Variants in AOX1 observed in about 807,000 individuals in gnomAD.
AOX1 encodes aldehyde oxidase.
In AOX1, 153 loss-of-function variants were observed where a neutral mutation model predicts 169.5. That is an observed-to-expected ratio of 0.90 (90% CI 0.79 to 1.03). The LOEUF is 1.03. Among genes scored for constraint, AOX1 ranks in the 50% least tolerant of loss-of-function variants. The pLI, the probability that AOX1 is intolerant of heterozygous loss-of-function variation, is 0.00. For missense variants in AOX1, 1,656 were observed against 1,663.9 expected (o/e 1.00, Z 0.08); for synonymous variants, 562 against 581.9 (o/e 0.97, Z 0.49).
intron 20 of AOX1, among the ~76,000 whole-genome samples, chr2:200,634,164 A>ATTTTTTTTTTTTTTTTT (rs58341876): frequency 8.1e-4 from 69 of 84,976 alleles, no homozygotes; most frequent in East Asian, 1.8e-3. Context: ...TTTCTTGAGG[A>ATTTTTTTTTTTTTTTTT]TTTTTTTTTT....
At chr2:200,669,856 G>A (rs1397191488) in intron 34 of AOX1, 114 bp downstream of exon 34, 9 of 1,153,922 alleles carry the variant, frequency 7.8e-6, no homozygotes, top group Non-Finnish European at 1.1e-5. Context: ...GCCAGAAAAG[G>A]TGACGGGAAA....
chr2:200,676,289 C>T (rs1482001437), downstream of AOX1, among the ~76,000 whole-genome samples: 2 of 152,052 alleles, frequency 1.3e-5, no homozygotes, highest in East Asian at 3.9e-4. Context: ...AAAGCAGCTT[C>T]GTGTTGCTGC....
At chr2:200,588,726 C>CTTTTTTTTTTTTTTTTTTTTT (rs71807461) in intron 1 of AOX1, among the ~76,000 whole-genome samples, 697 of 53,964 alleles carry the variant, frequency 0.013, 157 homozygotes, top group Non-Finnish European at 0.019. Flanking sequence ...CTAGAATAAG[C>CTTTTTTTTTTTTTTTTTTTTT]TTTTTTTTTT....
intron 20 of AOX1, among the ~76,000 whole-genome samples, chr2:200,627,676 C>A (rs1007113878): frequency 6.6e-6 from 1 of 152,190 alleles, no homozygotes; most frequent in East Asian, 1.9e-4. Flanking sequence ...TCTTCCCTGA[C>A]CCCCCTTCCC....
At chr2:200,618,510 A>T (rs780606910) in intron 16 of AOX1, among the ~76,000 whole-genome samples, 21 of 152,170 alleles carry the variant, frequency 1.4e-4, no homozygotes, top group Non-Finnish European at 3.1e-4. Context: ...ACTTCTTGTC[A>T]TTTATGTTAT....
chr2:200,628,010 G>A (rs951525506), intron 20 of AOX1, among the ~76,000 whole-genome samples: 1 of 150,996 alleles, frequency 6.6e-6, no homozygotes, highest in Non-Finnish European at 1.5e-5. Context: ...CTTCTTTGCT[G>A]TATGTATGTA....
intron 16 of AOX1, among the ~76,000 whole-genome samples, chr2:200,619,785 A>T (rs1011806399): frequency 4.6e-5 from 7 of 152,164 alleles, no homozygotes; most frequent in Middle Eastern, 3.2e-3. Flanking sequence ...CTCTATCAGG[A>T]TTGTCTAAGT....
chr2:200,633,474 A>G (rs970750442), intron 20 of AOX1, among the ~76,000 whole-genome samples: 44 of 151,720 alleles, frequency 2.9e-4, no homozygotes, highest in Non-Finnish European at 1.9e-4. Context: ...TGTTCTCCCT[A>G]TTCTGTTGCT....
chr2:200,631,579 G>A (rs1050834503), intron 20 of AOX1, among the ~76,000 whole-genome samples: 4 of 152,144 alleles, frequency 2.6e-5, no homozygotes, highest in African/African-American at 9.7e-5. Context: ...TTTTATCTCA[G>A]GGATTAGTTG....
chr2:200,602,447 C>A, intron 6 of AOX1, 102 bp downstream of exon 6: 1 of 982,566 alleles, frequency 1.0e-6, no homozygotes. Flanking sequence ...TAATACATGG[C>A]TACTTCTTAT....
chr2:200,656,162 T>C (rs2035678092), intron 26 of AOX1, among the ~76,000 whole-genome samples: 1 of 152,164 alleles, frequency 6.6e-6, no homozygotes, highest in Admixed American at 6.5e-5. Flanking sequence ...GAGATATCTG[T>C]TCTAGGAGGA....
intron 34 of AOX1, 25 bp downstream of exon 34, chr2:200,669,767 A>AT: frequency 6.2e-7 from 1 of 1,604,834 alleles, no homozygotes; most frequent in Non-Finnish European, 8.5e-7. Flanking sequence ...TAGAAAAAAA[A>AT]TAGTGATCAT....
At chr2:200,658,644 C>T (rs1448842186) in intron 27 of AOX1, among the ~76,000 whole-genome samples, 1 of 152,226 alleles carries the variant, frequency 6.6e-6, no homozygotes, top group Non-Finnish European at 1.5e-5. Flanking sequence ...AAGCAGCCAG[C>T]TAAGTCCTTG....
chr2:200,593,887 T>C (rs79011343), intron 2 of AOX1, among the ~76,000 whole-genome samples: 19 of 152,226 alleles, frequency 1.2e-4, no homozygotes, highest in East Asian at 3.9e-4. Flanking sequence ...AAAAAAACAA[T>C]GAACATGACT....
chr2:200,588,468 C>T (rs776628589), intron 1 of AOX1, among the ~76,000 whole-genome samples: 8 of 152,124 alleles, frequency 5.3e-5, no homozygotes, highest in Non-Finnish European at 7.4e-5. Context: ...TAATGGCCAA[C>T]AAGTTTGTGC....
intron 22 of AOX1, chr2:200,637,996 T>C (rs2035271117): frequency 2.3e-6 from 1 of 436,934 alleles, no homozygotes; most frequent in South Asian, 2.4e-5. Context: ...CAAGAGCCTC[T>C]GTCCCACAAG....
intron 4 of AOX1, among the ~76,000 whole-genome samples, chr2:200,599,031 T>C (rs1367907752): frequency 1.3e-5 from 2 of 152,178 alleles, no homozygotes; most frequent in East Asian, 1.9e-4. Context: ...CATTTCTTCA[T>C]TGATGCGGAA....
chr2:200,669,620 G>A lies in AOX1; in HGVS notation c.3844G>A (p.Ala1282Thr), dbSNP rs1166302592. The A allele has an allele frequency of 8.7e-6, 14 of 1,613,750 alleles. No homozygotes were observed. Among genetic ancestry groups the A allele is most frequent in the South Asian group, 4.4e-5 (4 of 91,074 alleles). ...GVFLGCSVFFAIHDAVSAARQ... is the reference protein window; with the variant it reads ...GVFLGCSVFFTIHDAVSAARQ... ...GTTCCTGGGGTGTTCCGTGTTTTTC[G>A]CTATCCATGACGCAGTGAGTGCAGC... Residue 1282 changes from alanine to threonine, a missense_variant, in exon 34 of 35, where the codon GCT becomes ACT. Physicochemically the swap from Ala to Thr is moderately conservative, Grantham distance 58. Coordinates refer to ENST00000374700, the MANE Select transcript of AOX1 (RefSeq NM_001159.4).
intron 18 of AOX1, 121 bp from the exon 19 acceptor site, chr2:200,623,740 A>C: frequency 6.7e-7 from 1 of 1,482,516 alleles, no homozygotes; most frequent in East Asian, 2.3e-5. Context: ...GAGGGGTCAC[A>C]CCTGTGTGTA....
Sources: gnomAD v4.1 joint callset for allele counts (sites outside exome capture counted in the v4.1 genomes callset) on GRCh38, gnomAD v4.1.1 for gene constraint, MANE v1.5 for transcripts, NCBI Gene and HGNC (gene_info 2026-07-23, HGNC 2026-07-21) for gene names.